The following COL26A1 variants were observed in gnomAD, a reference collection of about 807,000 sequenced individuals.
COL26A1 encodes the protein collagen type XXVI alpha 1 chain.
In COL26A1, 41 loss-of-function variants were observed where a neutral mutation model predicts 59.3. That is an observed-to-expected ratio of 0.69 (90% confidence interval 0.54 to 0.90). The LOEUF (loss-of-function observed/expected upper bound fraction) is 0.90, where lower values mean the gene tolerates loss of function less well. COL26A1 is among the 40% of genes least tolerant of loss of function. COL26A1 has a pLI of 0.00. For missense variants in COL26A1, 612 were observed against 602.3 expected (o/e 1.02, Z -0.17); for synonymous variants, 266 against 256.0 (o/e 1.04, Z -0.37).
At chr7:101,500,952 G>A (rs536822612) in intron 3 of COL26A1, among the ~76,000 whole-genome samples, 2 of 152,120 alleles carry the variant, frequency 1.3e-5, no homozygotes, top group East Asian at 1.9e-4. Flanking sequence ...GAGAGGCCAA[G>A]GCGGGCGGAT....
chr7:101,367,754 G>A (rs1295534173), intron 1 of COL26A1, among the ~76,000 whole-genome samples: 2 of 152,018 alleles, frequency 1.3e-5, no homozygotes, highest in Non-Finnish European at 2.9e-5. Context: ...GAAGGTGGCT[G>A]TCTGCAAACC....
chr7:101,474,637 G>A (rs1345321278), intron 3 of COL26A1, among the ~76,000 whole-genome samples: 1 of 152,114 alleles, frequency 6.6e-6, no homozygotes, highest in Non-Finnish European at 1.5e-5. Context: ...GTTGCACTGT[G>A]TCTGGGGCTA....
intron 2 of COL26A1, among the ~76,000 whole-genome samples, chr7:101,428,760 G>C (rs77456238): frequency 1.3e-5 from 2 of 151,622 alleles, no homozygotes; most frequent in African/African-American, 4.8e-5. Context: ...TGCCTCGCTC[G>C]GCCTCTCAAA....
intron 1 of COL26A1, among the ~76,000 whole-genome samples, chr7:101,390,104 T>A (rs527374793): frequency 6.2e-4 from 92 of 148,786 alleles, no homozygotes; most frequent in African/African-American, 2.2e-3. Flanking sequence ...TCTAGTGTCA[T>A]GAAGCTTTTA....
chr7:101,538,010 C>G (rs1333788868), intron 4 of COL26A1, among the ~76,000 whole-genome samples: 1 of 151,986 alleles, frequency 6.6e-6, no homozygotes, highest in Non-Finnish European at 1.5e-5. Context: ...CTACTATTCC[C>G]AGCAGCCAGG....
intron 1 of COL26A1, among the ~76,000 whole-genome samples, chr7:101,380,018 G>A (rs998384843): frequency 6.6e-6 from 1 of 152,134 alleles, no homozygotes; most frequent in African/African-American, 2.4e-5. Flanking sequence ...TTGAGACGGA[G>A]TCTCACTCTG....
At chr7:101,443,790 G>A (rs982503464) in intron 2 of COL26A1, among the ~76,000 whole-genome samples, 1 of 151,926 alleles carries the variant, frequency 6.6e-6, no homozygotes, top group Non-Finnish European at 1.5e-5. Flanking sequence ...GGGATTCACA[G>A]CATTTTGCAA....
intron 3 of COL26A1, among the ~76,000 whole-genome samples, chr7:101,512,996 TTTA>T (rs60374143): frequency 0.18 from 26,455 of 149,496 alleles, 3,166 homozygotes; most frequent in African/African-American, 0.34. Flanking sequence ...TTTTTACAAT[TTTA>T]TTATTATTAT....
intron 3 of COL26A1, among the ~76,000 whole-genome samples, chr7:101,459,625 C>T (rs935159619): frequency 7.2e-5 from 11 of 151,998 alleles, no homozygotes; most frequent in African/African-American, 1.9e-4. Context: ...GGCCTACGAC[C>T]GTGGAGTTTT....
At chr7:101,468,276 TG>T (rs1246402666) in intron 3 of COL26A1, among the ~76,000 whole-genome samples, 4 of 151,196 alleles carry the variant, frequency 2.6e-5, no homozygotes, top group African/African-American at 9.7e-5. Context: ...CACTCCAGCC[TG>T]GGCAACAGAG....
intron 1 of COL26A1, among the ~76,000 whole-genome samples, chr7:101,367,844 A>G (rs1388511549): frequency 6.6e-6 from 1 of 152,166 alleles, no homozygotes; most frequent in Non-Finnish European, 1.5e-5. Flanking sequence ...TATGAGAAAT[A>G]AATGTCTGCT....
Position 101,466,795 on chromosome 7 carries a change from G to GGTGTGTGTGTGTGTGTGTGTGT in COL26A1, c.385+19030_385+19051dup, listed in dbSNP as rs59942660. The stretch of plus-strand genomic sequence containing the variant: ...GAATGCTAAGACCCCGGCATGTTCT[G>GGTGTGTGTGTGTGTGTGTGTGT]GTGTGTGTGTGTGTGTGTGTGTGTG... On this transcript the variant is annotated intron_variant, in intron 3 of 12. Transcript: ENST00000313669. Among the ~76,000 whole-genome samples the GGTGTGTGTGTGTGTGTGTGTGT allele has an allele frequency of 1.4e-4, 17 of 125,244 alleles. No individual in the cohort carries two copies. The East Asian group carries it at 1.4e-3, about 10-fold the overall frequency. The allele number at this position is 125,244 out of a possible 152,430, so 82.2% of individuals were successfully genotyped here.
chr7:101,392,912 C>T (rs1023994493), intron 1 of COL26A1, among the ~76,000 whole-genome samples: 2 of 134,654 alleles, frequency 1.5e-5, no homozygotes, highest in Non-Finnish European at 3.0e-5. Flanking sequence ...TCCCTGCAAC[C>T]TGTGAATATG....
chr7:101,489,834 CTTTCTTTCTTTCTTTCTTTCTT>C (rs1794398939), intron 3 of COL26A1, among the ~76,000 whole-genome samples: 1 of 13,934 alleles, frequency 7.2e-5, no homozygotes, highest in African/African-American at 6.0e-4. Flanking sequence ...TTCTTTCTTT[CTTTCTTTCTTTCTTTCTTTCTT>C]TCTTTCTTTC....
intron 3 of COL26A1, among the ~76,000 whole-genome samples, chr7:101,512,862 A>T (rs1177990194): frequency 6.6e-6 from 1 of 152,192 alleles, no homozygotes; most frequent in Admixed American, 6.6e-5. Context: ...GATGAACTTC[A>T]ACACCTATGC....
At chr7:101,512,132 G>A (rs539250019) in intron 3 of COL26A1, among the ~76,000 whole-genome samples, 9 of 152,274 alleles carry the variant, frequency 5.9e-5, no homozygotes, top group South Asian at 2.1e-4. Context: ...CGTGGAGGTC[G>A]GGGTGGAGTG....
chr7:101,442,673 G>A (rs1442694631), intron 2 of COL26A1, among the ~76,000 whole-genome samples: 2 of 152,138 alleles, frequency 1.3e-5, no homozygotes, highest in East Asian at 3.8e-4. Context: ...AGAAGAAAAC[G>A]GTCAGAGGTT....
At chr7:101,555,908 T>C in intron 12 of COL26A1, 37 bp downstream of exon 12, 1 of 1,527,482 alleles carries the variant, frequency 6.5e-7, no homozygotes, top group East Asian at 2.4e-5. Context: ...TGGGAATCTC[T>C]CTCCCCTCCT....
chr7:101,445,939 T>C (rs2130372537), intron 2 of COL26A1, among the ~76,000 whole-genome samples: 1 of 149,076 alleles, frequency 6.7e-6, no homozygotes, highest in East Asian at 2.0e-4. Context: ...TCCCAGCTAC[T>C]TGGGAGGCTG....
Sources: allele counts gnomAD v4.1 joint callset (sites outside exome capture counted in the v4.1 genomes callset), GRCh38; gene constraint gnomAD v4.1.1; transcripts MANE v1.5; gene names NCBI Gene and HGNC (gene_info 2026-07-23, HGNC 2026-07-21).